Variants in KLF8 observed in about 807,000 individuals in gnomAD.
KLF8 encodes Krueppel-like factor 8.
Under a neutral mutation model 18.2 loss-of-function variants are expected in KLF8, and 10 were observed. The ratio of observed to expected loss-of-function variants is 0.55; its 90% confidence interval spans 0.34 to 0.93. The LOEUF is 0.93. KLF8 is among the 40% of genes least tolerant of loss of function. The pLI, the probability that KLF8 is intolerant of heterozygous loss-of-function variation, is 0.02. For synonymous variants in KLF8, 109 were observed against 97.3 expected (o/e 1.12, Z -0.71); for missense variants, 264 against 277.9 (o/e 0.95, Z 0.36).
the KLF8 span, among the ~76,000 whole-genome samples, chrX:55,979,413 T>C: frequency 9.0e-6 from 1 of 111,697 alleles, no homozygotes; most frequent in Non-Finnish European, 1.9e-5. Context: ...TTTGGTACTA[T>C]CCATGGTTTC....
chrX:56,046,984 T>A, the KLF8 span, among the ~76,000 whole-genome samples: 1 of 111,677 alleles, frequency 9.0e-6, no homozygotes, highest in Non-Finnish European at 1.9e-5. Flanking sequence ...TTCTCTTCTC[T>A]CTCATGAACA....
At chrX:55,980,912 G>T in the KLF8 span, among the ~76,000 whole-genome samples, 1 of 112,408 alleles carries the variant, frequency 8.9e-6, no homozygotes, top group Non-Finnish European at 1.9e-5. Flanking sequence ...TTTTAAGTAG[G>T]CCGGGCCCGG....
chrX:56,186,039 T>C, the KLF8 span, among the ~76,000 whole-genome samples: 10 of 112,142 alleles, frequency 8.9e-5, no homozygotes, highest in Admixed American at 4.7e-4. Flanking sequence ...TAACTTTAAA[T>C]GTAAATGCAC....
intron 2 of KLF8, 139 bp from the exon 3 acceptor site, chrX:56,265,041 T>C (rs1467562138): frequency 2.1e-5 from 15 of 703,851 alleles, no homozygotes; most frequent in Non-Finnish European, 2.3e-5. Context: ...TCTCTTTAGT[T>C]TACTCCTGCC....
the KLF8 span, among the ~76,000 whole-genome samples, chrX:56,202,822 A>G: frequency 9.0e-6 from 1 of 111,085 alleles, no homozygotes; most frequent in African/African-American, 3.3e-5. Context: ...TTATCCATTT[A>G]TCTGTTGATG....
chrX:56,103,227 GT>G, the KLF8 span, among the ~76,000 whole-genome samples: 147 of 110,437 alleles, frequency 1.3e-3, 11 homozygotes, highest in Non-Finnish European at 1.3e-4. Flanking sequence ...CTTTAAAGTA[GT>G]TTTTTCCAAT....
At chrX:56,063,142 C>A in the KLF8 span, among the ~76,000 whole-genome samples, 1 of 111,294 alleles carries the variant, frequency 9.0e-6, no homozygotes, top group South Asian at 3.8e-4. Flanking sequence ...TTTGTTATTA[C>A]CCACCTTCTG....
At chrX:56,278,116 G>T (rs1458630257) in intron 5 of KLF8, among the ~76,000 whole-genome samples, 1 of 112,493 alleles carries the variant, frequency 8.9e-6, no homozygotes, top group East Asian at 2.8e-4. Flanking sequence ...TGGAACTGGA[G>T]ACCCCAATAT....
the KLF8 span, among the ~76,000 whole-genome samples, chrX:55,988,533 A>T: frequency 1.8e-5 from 2 of 111,165 alleles, no homozygotes; most frequent in Admixed American, 1.9e-4. Flanking sequence ...ATTATTTCTG[A>T]GGGCTCTGTT....
the KLF8 span, among the ~76,000 whole-genome samples, chrX:56,159,857 T>G: frequency 1.3e-4 from 14 of 111,737 alleles, no homozygotes; most frequent in Non-Finnish European, 2.4e-4. Flanking sequence ...TTCATTGATT[T>G]TTTGAAGGGT....
chrX:56,160,041 C>T, the KLF8 span, among the ~76,000 whole-genome samples: 1 of 111,588 alleles, frequency 9.0e-6, no homozygotes, highest in Non-Finnish European at 1.9e-5. Flanking sequence ...TATAAATTTC[C>T]CTGTACACAC....
chrX:56,087,888 G>A, the KLF8 span, among the ~76,000 whole-genome samples: 1 of 110,031 alleles, frequency 9.1e-6, no homozygotes, highest in African/African-American at 3.3e-5. Flanking sequence ...ATAGTTATTG[G>A]TTAATTGGTT....
chrX:55,991,992 T>C, the KLF8 span, among the ~76,000 whole-genome samples: 3 of 112,513 alleles, frequency 2.7e-5, no homozygotes, highest in Non-Finnish European at 5.6e-5. Context: ...TCCTTATAGA[T>C]TCTGGATATT....
the KLF8 span, among the ~76,000 whole-genome samples, chrX:56,123,092 C>T: frequency 9.0e-6 from 1 of 110,555 alleles, no homozygotes; most frequent in African/African-American, 3.3e-5. Context: ...GCTTTTCTGA[C>T]ATCTCCAGTG....
chrX:55,961,403 A>G, the KLF8 span: 1 of 508,689 alleles, frequency 2.0e-6, no homozygotes, highest in East Asian at 3.8e-5. Context: ...GTTTGTGTCT[A>G]CTGGGATGAT....
At chrX:56,276,140 G>A (rs1429435802) in intron 5 of KLF8, among the ~76,000 whole-genome samples, 4 of 90,139 alleles carry the variant, frequency 4.4e-5, no homozygotes, top group Non-Finnish European at 8.8e-5. Context: ...CCTGCCCCCC[G>A]CCCCCGCACC....
At chrX:55,999,394 G>A in the KLF8 span, among the ~76,000 whole-genome samples, 1 of 104,071 alleles carries the variant, frequency 9.6e-6, no homozygotes, top group Non-Finnish European at 1.9e-5. Flanking sequence ...GTGTTTGATA[G>A]AAATTATGTT....
chrX:56,056,662 G>A, the KLF8 span, among the ~76,000 whole-genome samples: 166 of 58,886 alleles, frequency 2.8e-3, 1 homozygote, highest in Admixed American at 4.8e-3. Context: ...GGTGGGGGGA[G>A]GGGGGAGGGA....
the KLF8 span, among the ~76,000 whole-genome samples, chrX:56,163,186 C>G: frequency 1.8e-5 from 2 of 111,964 alleles, no homozygotes; most frequent in African/African-American, 3.2e-5. Context: ...TTCCACAATG[C>G]TTCAACTAAT....
Sources: allele counts gnomAD v4.1 joint callset (sites outside exome capture counted in the v4.1 genomes callset), GRCh38; gene constraint gnomAD v4.1.1; transcripts MANE v1.5; gene names NCBI Gene and HGNC (gene_info 2026-07-23, HGNC 2026-07-21).